The following HEMK2 variants were observed in gnomAD, a reference collection of about 807,000 sequenced individuals.
The protein encoded by HEMK2 is HemK methyltransferase 2, ETF1 glutamine and histone H4 lysine.
the HEMK2 span, among the ~76,000 whole-genome samples, chr21:28,596,165 C>T: frequency 2.0e-5 from 3 of 151,908 alleles, no homozygotes; most frequent in Admixed American, 6.6e-5. Context: ...TACAGGCGCC[C>T]GCCACCACAC....
At chr21:28,616,494 A>G in the HEMK2 span, among the ~76,000 whole-genome samples, 12 of 152,336 alleles carry the variant, frequency 7.9e-5, no homozygotes, top group East Asian at 2.3e-3. Context: ...TTCTAATAAA[A>G]TATTAGATTT....
the HEMK2 span, among the ~76,000 whole-genome samples, chr21:28,734,408 A>C: frequency 6.6e-6 from 1 of 152,168 alleles, no homozygotes; most frequent in South Asian, 2.1e-4. Flanking sequence ...TTGGCAAGAC[A>C]ATTTTTTTAA....
the HEMK2 span, among the ~76,000 whole-genome samples, chr21:28,720,170 A>T: frequency 6.6e-6 from 1 of 152,338 alleles, no homozygotes; most frequent in Admixed American, 6.5e-5. Context: ...CAATACTAAC[A>T]ATCCAACAAT....
chr21:28,775,791 GGTGA>G, the HEMK2 span, among the ~76,000 whole-genome samples: 2 of 152,068 alleles, frequency 1.3e-5, no homozygotes, highest in African/African-American at 2.4e-5. Flanking sequence ...TTAAATAAAT[GGTGA>G]GTGAGAGAGA....
At chr21:28,864,832 T>C in the HEMK2 span, among the ~76,000 whole-genome samples, 439 of 133,274 alleles carry the variant, frequency 3.3e-3, 3 homozygotes, top group African/African-American at 0.011. Flanking sequence ...GATAGATAGA[T>C]AGATAGATAG....
the HEMK2 span, among the ~76,000 whole-genome samples, chr21:28,688,918 T>C: frequency 4.6e-5 from 7 of 152,236 alleles, no homozygotes; most frequent in East Asian, 1.4e-3. Context: ...AATCCAGCCA[T>C]GCCCATTAAT....
At chr21:28,742,030 G>A in the HEMK2 span, among the ~76,000 whole-genome samples, 1 of 152,196 alleles carries the variant, frequency 6.6e-6, no homozygotes, top group African/African-American at 2.4e-5. Context: ...TTGAGGAGGT[G>A]ACGGCAAACT....
chr21:28,829,533 G>C, the HEMK2 span, among the ~76,000 whole-genome samples: 1 of 152,184 alleles, frequency 6.6e-6, no homozygotes, highest in African/African-American at 2.4e-5. Context: ...ATAGATACCA[G>C]TGCTTCAATC....
the HEMK2 span, chr21:28,885,108 T>C: frequency 7.1e-7 from 1 of 1,408,482 alleles, no homozygotes; most frequent in African/African-American, 1.5e-5. Context: ...GGACCCCGCC[T>C]GCTCCGGCTC....
chr21:28,801,851 G>A, the HEMK2 span, among the ~76,000 whole-genome samples: 11 of 152,154 alleles, frequency 7.2e-5, no homozygotes, highest in Admixed American at 3.9e-4. Context: ...ATCACTGTTG[G>A]ATTAACAAAA....
At chr21:28,638,030 AT>A in the HEMK2 span, among the ~76,000 whole-genome samples, 1 of 152,148 alleles carries the variant, frequency 6.6e-6, no homozygotes, top group Non-Finnish European at 1.5e-5. Context: ...TTTCTTCCAC[AT>A]TTTAGTTTTA....
At chr21:28,790,507 CCATT>C in the HEMK2 span, among the ~76,000 whole-genome samples, 1 of 152,062 alleles carries the variant, frequency 6.6e-6, no homozygotes, top group Non-Finnish European at 1.5e-5. Flanking sequence ...ACAACAGTTT[CCATT>C]CAGCATTAAC....
the HEMK2 span, among the ~76,000 whole-genome samples, chr21:28,841,236 ATTTAT>A: frequency 1.0e-4 from 1 of 9,816 alleles, no homozygotes; most frequent in South Asian, 3.0e-3. Flanking sequence ...TATTATATAT[ATTTAT>A]ATATATAATA....
At chr21:28,721,513 G>A in the HEMK2 span, among the ~76,000 whole-genome samples, 2 of 151,910 alleles carry the variant, frequency 1.3e-5, no homozygotes, top group South Asian at 2.1e-4. Flanking sequence ...TTTTTTAAAT[G>A]TGGCCACTAG....
chr21:28,726,612 A>G, the HEMK2 span, among the ~76,000 whole-genome samples: 1 of 152,210 alleles, frequency 6.6e-6, no homozygotes, highest in African/African-American at 2.4e-5. Flanking sequence ...GTCTACCGTC[A>G]AAGATTATTT....
At chr21:28,768,248 C>T in the HEMK2 span, among the ~76,000 whole-genome samples, 1 of 152,064 alleles carries the variant, frequency 6.6e-6, no homozygotes, top group Non-Finnish European at 1.5e-5. Context: ...AAGCAAAAGG[C>T]CATCCTCTAC....
the HEMK2 span, among the ~76,000 whole-genome samples, chr21:28,665,084 C>T: frequency 6.6e-6 from 1 of 151,162 alleles, no homozygotes; most frequent in Non-Finnish European, 1.5e-5. Flanking sequence ...TCAGCACCAG[C>T]TTGGGCAACA....
the HEMK2 span, among the ~76,000 whole-genome samples, chr21:28,811,678 T>G: frequency 6.6e-6 from 1 of 152,138 alleles, no homozygotes; most frequent in Non-Finnish European, 1.5e-5. Context: ...TTACAATAAT[T>G]CTGTATGTGT....
At chr21:28,594,621 G>A in the HEMK2 span, among the ~76,000 whole-genome samples, 2,202 of 152,248 alleles carry the variant, frequency 0.014, 57 homozygotes, top group African/African-American at 0.05. Flanking sequence ...CAACAGTAGG[G>A]GGTAGTTGTA....
Sources: gnomAD v4.1 joint callset for allele counts (sites outside exome capture counted in the v4.1 genomes callset) on GRCh38, gnomAD v4.1.1 for gene constraint, MANE v1.5 for transcripts, NCBI Gene and HGNC (gene_info 2026-07-23, HGNC 2026-07-21) for gene names.